CFAP97: variants seen among roughly 807,000 people sequenced by gnomAD.
The protein encoded by CFAP97 is cilia- and flagella-associated protein 97.
In CFAP97, 36 loss-of-function variants were observed where a neutral mutation model predicts 43.1. The ratio of observed to expected loss-of-function variants is 0.84; its 90% CI spans 0.64 to 1.10. CFAP97 has a LOEUF of 1.10. Ranked by LOEUF, CFAP97 falls within the 50% of genes least tolerant of loss-of-function variation. The probability of loss-of-function intolerance (pLI) is 0.00; values close to 1 mark genes in which losing one functional copy is unlikely to be tolerated. For missense variants in CFAP97, 657 were observed against 620.3 expected, an observed-to-expected ratio of 1.06 and a Z score of -0.63; for synonymous variants, 228 against 225.7, an observed-to-expected ratio of 1.01 and a Z score of -0.09.
intron 1 of CFAP97, among the ~76,000 whole-genome samples, chr4:185,200,384 A>T (rs1304550696): frequency 6.6e-6 from 1 of 152,248 alleles, no homozygotes; most frequent in South Asian, 2.1e-4. Context: ...TCACGCCTAT[A>T]ATCCCAGCAC....
intron 1 of CFAP97, among the ~76,000 whole-genome samples, chr4:185,193,911 AGGG>A (rs1736423146): frequency 6.6e-6 from 1 of 151,970 alleles, no homozygotes. Context: ...TAAATAAATA[AGGG>A]AATTCTAACA....
chr4:185,207,590 T>C (rs1737241633), upstream of CFAP97: 2 of 151,994 alleles, frequency 1.3e-5, no homozygotes, highest in Admixed American at 6.6e-5. Flanking sequence ...TTCTGTAATA[T>C]GAGATGAGTA....
intron 3 of CFAP97, among the ~76,000 whole-genome samples, chr4:185,166,517 GTTTA>G (rs1435330421): frequency 6.6e-6 from 1 of 152,078 alleles, no homozygotes; most frequent in Non-Finnish European, 1.5e-5. Flanking sequence ...AGTGTCCTAA[GTTTA>G]TTTATTTGGT....
chr4:185,168,031 A>G (rs987830969), intron 3 of CFAP97, among the ~76,000 whole-genome samples: 1 of 151,698 alleles, frequency 6.6e-6, no homozygotes, highest in Non-Finnish European at 1.5e-5. Context: ...AACTTATTAA[A>G]ATTAGTGGTA....
upstream of CFAP97, chr4:185,210,218 G>T: frequency 1.0e-6 from 1 of 984,734 alleles, no homozygotes; most frequent in Non-Finnish European, 1.2e-6. This position sits in a 1 kb window ranked among gnomAD's most constrained non-coding sequence, Gnocchi z 4.4. Context: ...GCCTGGAGCC[G>T]GCTGGCCGCG....
upstream of CFAP97, chr4:185,209,902 G>C (rs1737466826): frequency 4.1e-6 from 4 of 983,226 alleles, no homozygotes; most frequent in Admixed American, 1.9e-4. The surrounding 1 kb of genome is among the most constrained non-coding windows in gnomAD (Gnocchi z 5.2). Flanking sequence ...CGGCCGTCCT[G>C]TCTCGGGCTT....
intron 2 of CFAP97, among the ~76,000 whole-genome samples, chr4:185,178,281 T>C (rs1735639284): frequency 6.9e-6 from 1 of 145,518 alleles, no homozygotes; most frequent in Non-Finnish European, 1.5e-5. Context: ...AGGGTCTTGC[T>C]CTGTCGCCCA....
chr4:185,172,254 CTTAAT>C (rs1049989983), intron 3 of CFAP97, among the ~76,000 whole-genome samples: 2 of 152,004 alleles, frequency 1.3e-5, no homozygotes, highest in African/African-American at 4.8e-5. Context: ...TTTTTATTCC[CTTAAT>C]TTTTGTTTGG....
chr4:185,166,093 C>A (rs1735058456), intron 3 of CFAP97, among the ~76,000 whole-genome samples: 1 of 152,114 alleles, frequency 6.6e-6, no homozygotes, highest in Non-Finnish European at 1.5e-5. Flanking sequence ...AATTTTTGGC[C>A]TTCAAAAGCT....
intron 3 of CFAP97, among the ~76,000 whole-genome samples, chr4:185,175,400 G>A (rs967016320): frequency 2.0e-5 from 3 of 151,988 alleles, no homozygotes; most frequent in African/African-American, 7.3e-5. Context: ...CCAAGTATCT[G>A]GGACCACGGG....
rs531313309 is a variant in CFAP97, at chr4:185,173,086, G to A, written c.1320+2700C>T. On this transcript the variant is annotated intron_variant, in intron 3 of 4. Transcript: ENST00000458385. ...AAATAGAAAAATAATCAAAGTCAAC[G>A]GGCACAGTGGCTCACGCCTGTAATC... 7.2e-5 allele frequency among the ~76,000 whole-genome samples: 11 copies of A among 152,086 alleles called. No individual in the cohort carries two copies. The South Asian group carries it at 1.5e-3, about 20-fold the overall frequency.
At chr4:185,183,936 A>G (rs915278917) in intron 2 of CFAP97, among the ~76,000 whole-genome samples, 3 of 152,170 alleles carry the variant, frequency 2.0e-5, no homozygotes, top group African/African-American at 4.8e-5. Context: ...ATTTCAATTT[A>G]ATTATAATTG....
At chr4:185,197,359 T>C (rs1736600689) in intron 1 of CFAP97, among the ~76,000 whole-genome samples, 2 of 152,262 alleles carry the variant, frequency 1.3e-5, no homozygotes, top group South Asian at 2.1e-4. Flanking sequence ...AACAGCCACG[T>C]GACTATTACA....
At chr4:185,209,893 G>T (rs1180437935), upstream of CFAP97, 3 of 983,222 alleles carry the variant, frequency 3.1e-6, no homozygotes, top group South Asian at 9.4e-5. The surrounding 1 kb of genome is among the most constrained non-coding windows in gnomAD (Gnocchi z 5.2). Flanking sequence ...AGGCGCCGGC[G>T]GCCGTCCTGT....
At chr4:185,183,422 T>G (rs1262522905) in intron 2 of CFAP97, among the ~76,000 whole-genome samples, 1 of 152,184 alleles carries the variant, frequency 6.6e-6, no homozygotes, top group Non-Finnish European at 1.5e-5. Context: ...GTGAAGAAAT[T>G]AGGTAAGCCA....
chr4:185,187,548 G>T (rs6816266), intron 2 of CFAP97, among the ~76,000 whole-genome samples: 149,920 of 151,532 alleles, frequency 0.99, 74,177 homozygotes, highest in Middle Eastern at 1. Flanking sequence ...GAGAAACAGG[G>T]AGAAGCAGAG....
intron 1 of CFAP97, among the ~76,000 whole-genome samples, chr4:185,201,531 C>A (rs922039928): frequency 6.6e-6 from 1 of 151,974 alleles, no homozygotes; most frequent in Non-Finnish European, 1.5e-5. Flanking sequence ...AGACCCTCCA[C>A]CAGCAAAAAA....
At chr4:185,192,684 C>G (rs1259031975) in intron 1 of CFAP97, among the ~76,000 whole-genome samples, 1 of 149,252 alleles carries the variant, frequency 6.7e-6, no homozygotes, top group African/African-American at 2.5e-5. Context: ...TACTGATAAG[C>G]TTAAGATCAG....
chr4:185,197,134 T>C (rs1736591536), intron 1 of CFAP97, among the ~76,000 whole-genome samples: 1 of 147,278 alleles, frequency 6.8e-6, no homozygotes. Flanking sequence ...GACATGTAGC[T>C]TAAATTACAA....
Sources: allele counts gnomAD v4.1 joint callset (sites outside exome capture counted in the v4.1 genomes callset), GRCh38; gene constraint gnomAD v4.1.1; non-coding constraint Gnocchi (gnomAD v3.1); transcripts MANE v1.5; gene names NCBI Gene and HGNC (gene_info 2026-07-23, HGNC 2026-07-21).